TNRC6B: variants seen among roughly 807,000 people sequenced by gnomAD.
The protein encoded by TNRC6B is trinucleotide repeat-containing gene 6B protein.
Under a neutral mutation model 203.6 loss-of-function variants are expected in TNRC6B, and 52 were observed. The observed-to-expected ratio is 0.26, with a 90% confidence interval of 0.20 to 0.32. TNRC6B has a LOEUF of 0.32. Ranked by LOEUF, TNRC6B falls within the 10% of genes least tolerant of loss-of-function variation. TNRC6B has a pLI of 1.00. For synonymous variants in TNRC6B, 838 were observed against 845.7 expected, an observed-to-expected ratio of 0.99 and a Z score of 0.16; for missense variants, 1,923 against 2,286.2, an observed-to-expected ratio of 0.84 and a Z score of 3.24.
At chr22:40,065,997 C>CT (rs1211308000) in intron 1 of TNRC6B, among the ~76,000 whole-genome samples, 1 of 152,122 alleles carries the variant, frequency 6.6e-6, no homozygotes, top group Non-Finnish European at 1.5e-5. Flanking sequence ...AGAGGGTCTC[C>CT]TACAGATCTC....
chr22:40,090,943 T>C (rs2068145376), intron 1 of TNRC6B, among the ~76,000 whole-genome samples: 1 of 152,176 alleles, frequency 6.6e-6, no homozygotes, highest in South Asian at 2.1e-4. Context: ...AAGAGAAGAC[T>C]CTCTTCATCC....
In TNRC6B at chr22:40,324,397, A is replaced by G. The variant is rs1214304842; in HGVS notation, c.*1156A>G. 6.6e-6 allele frequency: 1 copy of G among 152,226 alleles called. No homozygotes were observed. Among genetic ancestry groups the G allele is most frequent in the African/African-American group, 2.4e-5 (1 of 41,288 alleles). 9.4% of individuals were successfully genotyped at this position (152,226 alleles called of 1,614,324 possible). On this transcript the variant is annotated 3_prime_UTR_variant, in exon 23 of 23. Coordinates refer to ENST00000454349, the MANE Select transcript of TNRC6B (RefSeq NM_001162501.2). ...AAATGGGAACGGAAGATAACTTTTG[A>G]TGATGCGATGTCTCAAAAACAGAGA...
At chr22:40,128,484 A>AT (rs992751037) in intron 3 of TNRC6B, among the ~76,000 whole-genome samples, 1 of 151,520 alleles carries the variant, frequency 6.6e-6, no homozygotes, top group Non-Finnish European at 1.5e-5. Context: ...TGTTCAATAT[A>AT]TTTTTTTTGA....
At chr22:40,200,583 C>G (rs568267781) in intron 1 of TNRC6B, among the ~76,000 whole-genome samples, 1 of 151,812 alleles carries the variant, frequency 6.6e-6, no homozygotes, top group African/African-American at 2.4e-5. Flanking sequence ...CCACCGCGCC[C>G]GGCTAAAAAG....
intron 2 of TNRC6B, among the ~76,000 whole-genome samples, chr22:40,124,067 C>G (rs1057458821): frequency 4.6e-5 from 7 of 152,120 alleles, no homozygotes; most frequent in African/African-American, 1.7e-4. Context: ...TTCTACTGTA[C>G]TGATTTTACA....
In TNRC6B at chr22:40,321,318, C is replaced by G. The variant is rs2071331189; in HGVS notation, c.5114+89C>G. On this transcript the variant is annotated intron_variant, in intron 22 of 22. Transcript: ENST00000454349. Reference sequence around the variant, plus strand: ...GGCAGCTGCTGAATTAAAGATGCACCAGAACATATACGAAGAATGGCACCG... The same window carrying G: ...GGCAGCTGCTGAATTAAAGATGCACGAGAACATATACGAAGAATGGCACCG... 3 of 1,464,270 alleles carry G rather than the reference C, an allele frequency of 2.0e-6. No homozygotes were observed. In the Admixed American group the frequency reaches 5.5e-5, roughly 27 times the overall value. The allele number at this position is 1,464,270 out of a possible 1,614,324, so 90.7% of individuals were successfully genotyped here.
intron 1 of TNRC6B, among the ~76,000 whole-genome samples, chr22:40,185,216 C>G (rs1358023498): frequency 6.6e-6 from 1 of 152,126 alleles, no homozygotes; most frequent in Non-Finnish European, 1.5e-5. Context: ...GTCTTGTTCT[C>G]TTTACCTTGT....
chr22:40,149,572 A>G (rs188243489), intron 3 of TNRC6B, among the ~76,000 whole-genome samples: 217 of 150,442 alleles, frequency 1.4e-3, no homozygotes, highest in Non-Finnish European at 2.5e-3. Context: ...CAGGAGGCGG[A>G]GGCAGGAGAA....
chr22:40,145,118 G>A (rs1215893975), intron 3 of TNRC6B, among the ~76,000 whole-genome samples: 1 of 151,190 alleles, frequency 6.6e-6, no homozygotes, highest in Non-Finnish European at 1.5e-5. Flanking sequence ...TGCTGGCACA[G>A]GCCTGTGGTC....
chr22:40,116,161 G>A (rs1298064471), intron 1 of TNRC6B, among the ~76,000 whole-genome samples: 1 of 152,226 alleles, frequency 6.6e-6, no homozygotes, highest in African/African-American at 2.4e-5. Flanking sequence ...AATGGAGCAC[G>A]CTGTCTTGGA....
chr22:40,275,939 A>T (rs529870069), intron 7 of TNRC6B, among the ~76,000 whole-genome samples: 1 of 151,854 alleles, frequency 6.6e-6, no homozygotes, highest in East Asian at 1.9e-4. Flanking sequence ...AGCCTGGGTG[A>T]CAAGAGCGAA....
At chr22:40,186,895 GGTGT>G (rs2069211466) in intron 1 of TNRC6B, among the ~76,000 whole-genome samples, 1 of 151,674 alleles carries the variant, frequency 6.6e-6, no homozygotes, top group African/African-American at 2.4e-5. Flanking sequence ...TTTGAAACCT[GGTGT>G]GTATCTTAGG....
At chr22:40,123,019 G>A (rs953338298) in intron 2 of TNRC6B, among the ~76,000 whole-genome samples, 4 of 152,172 alleles carry the variant, frequency 2.6e-5, no homozygotes, top group Non-Finnish European at 4.4e-5. Context: ...TCTAGCAATA[G>A]TAAGGTTCCC....
At position 40,332,035 on chromosome 22, in the gene TNRC6B, A is replaced by G. The variant is rs1018299466; in HGVS notation, c.*8794A>G. The G allele has an allele frequency of 1.3e-4, 23 of 177,742 alleles. No individual in the cohort carries two copies. The highest frequency in any genetic ancestry group is 1.4e-4 in the African/African-American group (6 of 42,642). 11.0% of individuals were successfully genotyped at this position (177,742 alleles called of 1,614,324 possible). On this transcript the variant is annotated 3_prime_UTR_variant, in exon 23 of 23. Coordinates refer to ENST00000454349, the MANE Select transcript of TNRC6B (RefSeq NM_001162501.2). ...TAATCCAGTGCAGCAATGGAACTCC[A>G]CAGGCTCCAGTGTTCTCTGGAAAAA...
chr22:40,262,339 G>A (rs1482012948), intron 4 of TNRC6B, among the ~76,000 whole-genome samples, 166 bp downstream of exon 4: 1 of 152,190 alleles, frequency 6.6e-6, no homozygotes, highest in Non-Finnish European at 1.5e-5. Context: ...GTGATTCTTG[G>A]AACTGAGGTT....
At chr22:40,302,624 C>A (rs1465909507) in intron 15 of TNRC6B, among the ~76,000 whole-genome samples, 2 of 148,014 alleles carry the variant, frequency 1.4e-5, no homozygotes, top group African/African-American at 2.5e-5. Context: ...TAGAGCAAGA[C>A]CCCATCTCAA....
chr22:40,182,954 A>G lies in TNRC6B; in HGVS notation c.5+4814A>G, dbSNP rs115477949. ...TCAATTTTACTTTTTTAACACTCCT[A>G]AATTGTATCACCATCTGAAATTATT... On this transcript the variant is annotated intron_variant, in intron 1 of 22. Transcript: ENST00000454349. Among the ~76,000 whole-genome samples the G allele has an allele frequency of 2.0e-3, 306 of 152,292 alleles. 1 individual carries two copies. Among genetic ancestry groups the G allele is most frequent in the African/African-American group, 7.2e-3 (299 of 41,560 alleles).
intron 1 of TNRC6B, among the ~76,000 whole-genome samples, chr22:40,047,897 T>A (rs925599104): frequency 6.6e-6 from 1 of 152,224 alleles, no homozygotes. Context: ...TTGACTGACA[T>A]TTGATTCTAA....
intron 1 of TNRC6B, among the ~76,000 whole-genome samples, chr22:40,214,534 T>G (rs1339623286): frequency 7.5e-6 from 1 of 132,576 alleles, no homozygotes; most frequent in Non-Finnish European, 1.6e-5. Flanking sequence ...ATTCCTTGCC[T>G]TCTTTCTTTC....
Sources: gnomAD v4.1 joint callset for allele counts (sites outside exome capture counted in the v4.1 genomes callset) on GRCh38, gnomAD v4.1.1 for gene constraint, MANE v1.5 for transcripts, NCBI Gene and HGNC (gene_info 2026-07-23, HGNC 2026-07-21) for gene names.